Variants in LAMC3 observed in about 807,000 individuals in gnomAD.
LAMC3 encodes laminin subunit gamma 3.
A neutral mutation model predicts 173.8 loss-of-function variants in LAMC3; 128 were observed. The observed-to-expected ratio is 0.74, with a 90% CI of 0.64 to 0.85. The LOEUF is 0.85. Among genes scored for constraint, LAMC3 ranks in the 40% least tolerant of loss-of-function variants. The pLI is 0.00. For missense variants in LAMC3, 2,022 were observed against 2,156.0 expected, an observed-to-expected ratio of 0.94 and a Z score of 1.23; for synonymous variants, 897 against 909.1, an observed-to-expected ratio of 0.99 and a Z score of 0.24.
chr9:131,092,151 T>G lies in LAMC3; in HGVS notation c.*364T>G. The G allele has an allele frequency of 3.1e-6, 1 of 322,662 alleles. No individual in the cohort carries two copies. The highest frequency in any genetic ancestry group is 6.0e-6 in the Non-Finnish European group (1 of 167,648). The allele number at this position is 322,662 out of a possible 1,614,324, so 20.0% of individuals were successfully genotyped here. On this transcript the variant is annotated 3_prime_UTR_variant, in exon 28 of 28. Coordinates refer to ENST00000361069, the MANE Select transcript of LAMC3 (RefSeq NM_006059.4). ...AGCTTACGGTCCACACACATTACAG[T>G]CCACAGCTGTTGTGAGAGCCACCTG...
At chr9:131,043,545 G>A (rs569619052) in intron 7 of LAMC3, among the ~76,000 whole-genome samples, 1 of 152,312 alleles carries the variant, frequency 6.6e-6, no homozygotes, top group Admixed American at 6.5e-5. Flanking sequence ...TCTCAGGGCT[G>A]AAACAATTTG....
chr9:131,009,621 C>T lies in LAMC3; in HGVS notation c.373+34C>T, dbSNP rs746561802. On this transcript the variant is annotated intron_variant, in intron 1 of 27. Transcript: ENST00000361069. This position sits in a 1 kb window ranked among gnomAD's most constrained non-coding sequence, Gnocchi z 4.3. ...GGGCTGGGGGCACCGCCACCGCACC[C>T]CGTGTCCCCACTCCACTGGGGGTCT... 65 of 1,552,720 alleles carry T rather than the reference C, an allele frequency of 4.2e-5. No individual in the cohort carries two copies. The highest frequency in any genetic ancestry group is 5.4e-5 in the Non-Finnish European group (62 of 1,150,766).
intron 2 of LAMC3, among the ~76,000 whole-genome samples, chr9:131,030,426 G>A (rs1833804627): frequency 6.6e-6 from 1 of 152,204 alleles, no homozygotes; most frequent in Non-Finnish European, 1.5e-5. Context: ...GGTCATTGCT[G>A]TCTCTGGGCC....
intron 13 of LAMC3, among the ~76,000 whole-genome samples, chr9:131,065,744 G>A (rs1829921104): frequency 6.6e-6 from 1 of 151,936 alleles, no homozygotes; most frequent in Admixed American, 6.6e-5. Context: ...GATCACGGGT[G>A]ATGATGAGGA....
At position 131,077,311 on chromosome 9, in the gene LAMC3, T is replaced by A. The variant is rs1406282287; in HGVS notation, c.3754T>A (p.Leu1252Met). The A allele has an allele frequency of 1.1e-5, 18 of 1,614,002 alleles. No individual in the cohort carries two copies. Among genetic ancestry groups the A allele is most frequent in the Non-Finnish European group, 1.5e-5 (18 of 1,180,028 alleles). The change falls in exon 22 of 28, where the codon TTG becomes ATG. Residue 1252 changes from leucine to methionine, a missense_variant. Leu to Met is a conservative substitution (Grantham distance 15). Transcript: ENST00000361069. The part of the protein sequence containing the change: ...VGADTAPYLA[L>M]LASPGALPQK... ...CGCAGATACAGCCCCGTACCTGGCC[T>A]TGCTGGCTTCCCCGGGAGCTCTGGT...
At chr9:131,085,415 T>C in intron 24 of LAMC3, 109 bp from the exon 25 acceptor site, 1 of 1,092,304 alleles carries the variant, frequency 9.2e-7, no homozygotes, top group African/African-American at 1.5e-5. Context: ...AGACCTCCAC[T>C]CGTTGTCCAA....
intron 13 of LAMC3, among the ~76,000 whole-genome samples, chr9:131,062,318 G>A (rs552269841): frequency 4.0e-5 from 6 of 151,800 alleles, no homozygotes; most frequent in South Asian, 4.2e-4. Context: ...CCAAGATCGC[G>A]CCACTGCACT....
intron 22 of LAMC3, among the ~76,000 whole-genome samples, chr9:131,078,426 A>G (rs1201668899): frequency 6.6e-6 from 1 of 152,332 alleles, no homozygotes; most frequent in East Asian, 1.9e-4. Flanking sequence ...CGGAGCTTGC[A>G]GTAAGCTGAG....
chr9:131,014,962 C>T (rs1486902342), intron 1 of LAMC3, among the ~76,000 whole-genome samples: 3 of 152,098 alleles, frequency 2.0e-5, no homozygotes, highest in South Asian at 2.1e-4. Context: ...GGCAACAGAG[C>T]GAGACCCTGT....
intron 13 of LAMC3, 72 bp downstream of exon 13, chr9:131,061,295 TC>T: frequency 7.4e-7 from 1 of 1,359,238 alleles, no homozygotes. Context: ...TGCCCTGGGC[TC>T]CAGGGTTAGG....
At chr9:131,054,852 G>T in intron 11 of LAMC3, among the ~76,000 whole-genome samples, 1 of 151,948 alleles carries the variant, frequency 6.6e-6, no homozygotes, top group Non-Finnish European at 1.5e-5. Flanking sequence ...GCAAGGGAGG[G>T]AAAAGAAAAG....
intron 16 of LAMC3, 41 bp downstream of exon 16, chr9:131,069,091 G>A (rs963748411): frequency 1.9e-6 from 3 of 1,609,224 alleles, no homozygotes; most frequent in Admixed American, 1.7e-5. Flanking sequence ...CTGAGGGTGG[G>A]GCCCGAGGGT....
At chr9:131,040,184 A>AT (rs57525110) in intron 6 of LAMC3, among the ~76,000 whole-genome samples, 4,210 of 145,762 alleles carry the variant, frequency 0.029, 201 homozygotes, top group African/African-American at 0.098. Context: ...CACTATCTCT[A>AT]TTTTTTTTTT....
intron 8 of LAMC3, among the ~76,000 whole-genome samples, chr9:131,046,179 C>CT (rs1834152352): frequency 3.1e-5 from 4 of 129,272 alleles, no homozygotes; most frequent in African/African-American, 1.2e-4. Flanking sequence ...GAGTTTTGCT[C>CT]CTTTTTTTTT....
intron 1 of LAMC3, among the ~76,000 whole-genome samples, chr9:131,023,567 A>G (rs756418117): frequency 1.3e-5 from 2 of 152,148 alleles, no homozygotes; most frequent in Non-Finnish European, 2.9e-5. Flanking sequence ...GGCCATTCAT[A>G]TATCCACTTT....
chr9:131,048,400 T>C (rs915476670), intron 8 of LAMC3, among the ~76,000 whole-genome samples: 10 of 152,146 alleles, frequency 6.6e-5, no homozygotes, highest in African/African-American at 2.4e-4. Flanking sequence ...TCTCTTCATG[T>C]TGACATCTTC....
intron 1 of LAMC3, among the ~76,000 whole-genome samples, chr9:131,019,829 C>A (rs962993701): frequency 1.8e-4 from 27 of 151,326 alleles, no homozygotes; most frequent in African/African-American, 6.3e-4. Context: ...CCACCCGCCC[C>A]CCTCCCAGTC....
chr9:131,032,420 C>T (rs1379083775), intron 3 of LAMC3, among the ~76,000 whole-genome samples: 1 of 151,656 alleles, frequency 6.6e-6, no homozygotes, highest in Non-Finnish European at 1.5e-5. Flanking sequence ...GTCCCCTCAG[C>T]CTGGAGGTTC....
At chr9:131,010,739 C>G (rs1314816901) in intron 1 of LAMC3, among the ~76,000 whole-genome samples, 1 of 152,252 alleles carries the variant, frequency 6.6e-6, no homozygotes, top group Non-Finnish European at 1.5e-5. Flanking sequence ...CGCCCGGTGG[C>G]ATGGCCTCTC....
Sources: allele counts gnomAD v4.1 joint callset (sites outside exome capture counted in the v4.1 genomes callset), GRCh38; gene constraint gnomAD v4.1.1; non-coding constraint Gnocchi (gnomAD v3.1); transcripts MANE v1.5; gene names NCBI Gene and HGNC (gene_info 2026-07-23, HGNC 2026-07-21).